Variants in TRAPPC3L observed in about 807,000 individuals in gnomAD.
The protein encoded by TRAPPC3L is trafficking protein particle complex subunit 3L.
Under a neutral mutation model 23.7 loss-of-function variants are expected in TRAPPC3L, and 23 were observed. The ratio of observed to expected loss-of-function variants is 0.97; its 90% CI spans 0.70 to 1.37. The LOEUF (loss-of-function observed/expected upper bound fraction) is 1.37, where lower values mean the gene tolerates loss of function less well. Ranked by LOEUF, TRAPPC3L falls within the 40% of genes most tolerant of loss-of-function variation. The probability of loss-of-function intolerance (pLI) is 0.00; values close to 1 mark genes in which losing one functional copy is unlikely to be tolerated. For synonymous variants in TRAPPC3L, 81 were observed against 77.9 expected (o/e 1.04, Z -0.21); for missense variants, 212 against 216.8 (o/e 0.98, Z 0.14).
chr6:116,515,759 G>A (rs753040363), intron 3 of TRAPPC3L: 2 of 1,613,994 alleles, frequency 1.2e-6, no homozygotes, highest in African/African-American at 2.7e-5. Flanking sequence ...TCTGGACTAT[G>A]CCAACAAGCT....
At chr6:116,521,181 G>A (rs903560167) in intron 3 of TRAPPC3L, 1 of 151,760 alleles carries the variant, frequency 6.6e-6, no homozygotes, top group Admixed American at 6.6e-5. Context: ...AACAAAACAT[G>A]ACAAATATAT....
chr6:116,524,333 G>T (rs2115176611), intron 3 of TRAPPC3L: 1 of 152,204 alleles, frequency 6.6e-6, no homozygotes, highest in East Asian at 1.9e-4. Context: ...AAATGACATG[G>T]TCACCTCAGT....
At chr6:116,501,638 G>A (rs1342402992) in intron 3 of TRAPPC3L, among the ~76,000 whole-genome samples, 1 of 152,152 alleles carries the variant, frequency 6.6e-6, no homozygotes, top group African/African-American at 2.4e-5. Context: ...CCTCATACAG[G>A]CAGGTGCCCC....
intron 3 of TRAPPC3L, chr6:116,515,531 T>C: frequency 6.7e-7 from 1 of 1,482,674 alleles, no homozygotes; most frequent in Non-Finnish European, 9.1e-7. Context: ...TATACACTTC[T>C]CAATAATACC....
chr6:116,511,689 T>A, intron 3 of TRAPPC3L: 1 of 1,611,874 alleles, frequency 6.2e-7, no homozygotes. Flanking sequence ...CCTCTGTGCA[T>A]CTCCAACATG....
chr6:116,503,880 G>C (rs535034084), intron 3 of TRAPPC3L, among the ~76,000 whole-genome samples: 15 of 152,314 alleles, frequency 9.8e-5, no homozygotes, highest in African/African-American at 3.4e-4. Flanking sequence ...GCAGTGTGTA[G>C]AGGGAAATTT....
chr6:116,504,236 G>C (rs1771967740), intron 3 of TRAPPC3L, among the ~76,000 whole-genome samples: 1 of 152,162 alleles, frequency 6.6e-6, no homozygotes. Context: ...ACTAACATCA[G>C]AGAATACTAT....
chr6:116,512,164 A>G (rs1456597554), intron 3 of TRAPPC3L: 1 of 1,612,652 alleles, frequency 6.2e-7, no homozygotes, highest in East Asian at 2.2e-5. Context: ...TTCACAAAGT[A>G]TCTTGTGGCA....
chr6:116,506,497 A>G (rs1455694198), intron 3 of TRAPPC3L, among the ~76,000 whole-genome samples: 1 of 152,212 alleles, frequency 6.6e-6, no homozygotes, highest in Non-Finnish European at 1.5e-5. Flanking sequence ...CATTTGACCC[A>G]GCGATCCCAT....
chr6:116,513,886 T>C lies in TRAPPC3L; in HGVS notation c.241-13220A>G, dbSNP rs144055280. 3.3e-5 allele frequency among the ~76,000 whole-genome samples: 5 copies of C among 152,296 alleles called. 1 individual carries two copies. In the East Asian group the frequency reaches 9.6e-4, roughly 29 times the overall value. On this transcript the variant is annotated intron_variant, in intron 3 of 4. Transcript: ENST00000368602. ...TGGCGTTGGGTTTGTATGCTGATGCTACCAATCACCAGCTATGTGACCTAG... is the reference window on the plus strand; with the variant it reads ...TGGCGTTGGGTTTGTATGCTGATGCCACCAATCACCAGCTATGTGACCTAG...
At chr6:116,518,173 T>C (rs1291044420) in intron 3 of TRAPPC3L, 2 of 152,194 alleles carry the variant, frequency 1.3e-5, no homozygotes, top group Admixed American at 6.5e-5. Flanking sequence ...CCACGTCAGA[T>C]AGAAGATGTG....
Position 116,500,520 on chromosome 6 carries a change from G to A in TRAPPC3L, c.387C>T (p.Cys129=), listed in dbSNP as rs1456117964. The A allele has an allele frequency of 1.3e-6, 2 of 1,551,576 alleles. No homozygotes were observed. Among genetic ancestry groups the A allele is most frequent in the Non-Finnish European group, 1.7e-6 (2 of 1,146,952 alleles). The change falls in exon 4 of 5, where the codon TGC becomes TGT. Residue 129 remains cysteine (C), a synonymous_variant. Coordinates refer to ENST00000368602, the MANE Select transcript of TRAPPC3L (RefSeq NM_001139444.3). Reference sequence around the variant, plus strand: ...CTCTGATAATCCCACAGAGCAAGTTGCAGTAGCACAGAGAAGATCGCCCAG... The same window carrying A: ...CTCTGATAATCCCACAGAGCAAGTTACAGTAGCACAGAGAAGATCGCCCAG... ...LPAGRSSLCY[C]NLLCGIIRGA...
At chr6:116,529,383 GTAAC>G (rs1195212695) in intron 3 of TRAPPC3L, among the ~76,000 whole-genome samples, 7 of 146,992 alleles carry the variant, frequency 4.8e-5, no homozygotes, top group African/African-American at 1.9e-4. Context: ...TAGAATCTTT[GTAAC>G]TAACAGAGTC....
At chr6:116,510,220 G>A (rs1772086385) in intron 3 of TRAPPC3L, among the ~76,000 whole-genome samples, 1 of 152,136 alleles carries the variant, frequency 6.6e-6, no homozygotes, top group Non-Finnish European at 1.5e-5. Context: ...CTTGTAGAAT[G>A]CTGGTAGGAA....
rs117092207 is a variant in TRAPPC3L, at chr6:116,526,625, G to A, written c.240+13738C>T. Among the ~76,000 whole-genome samples, 899 of 152,208 alleles carry A rather than the reference G, an allele frequency of 5.9e-3. 7 individuals carry two copies. The highest frequency in any genetic ancestry group is 9.1e-3 in the Non-Finnish European group (616 of 68,010). ...CCGGGAGTACCACTGAGAGGTCACG[G>A]CAAGTCTGAACAAAATCTTACTTCT... On this transcript the variant is annotated intron_variant, in intron 3 of 4. Coordinates refer to ENST00000368602, the MANE Select transcript of TRAPPC3L (RefSeq NM_001139444.3).
intron 3 of TRAPPC3L, among the ~76,000 whole-genome samples, chr6:116,527,823 A>T (rs1772491872): frequency 2.0e-5 from 3 of 152,264 alleles, no homozygotes; most frequent in Non-Finnish European, 1.5e-5. Context: ...GAGGGAGAGC[A>T]TTTGGACCAA....
At chr6:116,497,129 A>C (rs1377601014) in intron 4 of TRAPPC3L, 56 bp from the exon 5 acceptor site, 2 of 1,492,612 alleles carry the variant, frequency 1.3e-6, no homozygotes, top group Non-Finnish European at 1.8e-6. Flanking sequence ...CAAAAAACTA[A>C]ATTTTCTCAG....
intron 3 of TRAPPC3L, among the ~76,000 whole-genome samples, chr6:116,534,975 C>T (rs183167651): frequency 2.0e-5 from 3 of 152,266 alleles, no homozygotes; most frequent in Non-Finnish European, 2.9e-5. Flanking sequence ...AATTCCCCCA[C>T]GTCCCTCAGA....
intron 3 of TRAPPC3L, among the ~76,000 whole-genome samples, chr6:116,534,327 T>C (rs940326123): frequency 3.3e-5 from 5 of 152,208 alleles, no homozygotes; most frequent in Non-Finnish European, 1.5e-5. Context: ...AAATCTGTAT[T>C]GGAGATTGGA....
Sources: allele counts gnomAD v4.1 joint callset (sites outside exome capture counted in the v4.1 genomes callset), GRCh38; gene constraint gnomAD v4.1.1; transcripts MANE v1.5; gene names NCBI Gene and HGNC (gene_info 2026-07-23, HGNC 2026-07-21).